PTN: variants seen among roughly 807,000 people sequenced by gnomAD.
The protein encoded by PTN is pleiotrophin.
A neutral mutation model predicts 24.1 loss-of-function variants in PTN; 18 were observed. The observed-to-expected ratio is 0.75, with a 90% confidence interval of 0.52 to 1.11. PTN has a LOEUF of 1.11. Ranked by LOEUF, PTN falls within the 50% of genes least tolerant of loss-of-function variation. PTN has a pLI of 0.00. For missense variants in PTN, 163 were observed against 198.8 expected (o/e 0.82, Z 1.08); for synonymous variants, 78 against 68.6 (o/e 1.14, Z -0.67).
intron 4 of PTN, 57 bp downstream of exon 4, chr7:137,251,173 A>G: frequency 6.4e-7 from 1 of 1,574,692 alleles, no homozygotes; most frequent in Non-Finnish European, 8.7e-7. Flanking sequence ...TGGGTTTTCC[A>G]GATCTTACCT....
chr7:137,242,729 C>T (rs1159913277), intron 4 of PTN, among the ~76,000 whole-genome samples: 1 of 152,184 alleles, frequency 6.6e-6, no homozygotes, highest in Non-Finnish European at 1.5e-5. Flanking sequence ...AGCCCCAGCC[C>T]CTGCTTTAGC....
At chr7:137,330,353 GAGA>G (rs374478883) in intron 1 of PTN, among the ~76,000 whole-genome samples, 22 of 151,974 alleles carry the variant, frequency 1.4e-4, no homozygotes, top group Non-Finnish European at 3.1e-4. Context: ...GAAGGAGAAG[GAGA>G]AGAAGAAGAA....
chr7:137,228,176 C>T (rs1424461660), intron 4 of PTN, 101 bp from the exon 5 acceptor site: 1 of 748,042 alleles, frequency 1.3e-6, no homozygotes, highest in Non-Finnish European at 2.3e-6. Context: ...ATTGACCAGA[C>T]TGATACACAA....
At chr7:137,278,998 C>T (rs1461460363) in intron 1 of PTN, among the ~76,000 whole-genome samples, 1 of 139,564 alleles carries the variant, frequency 7.2e-6, no homozygotes, top group Non-Finnish European at 1.6e-5. Context: ...AAGAAACGGA[C>T]CAATCCAGAA....
At chr7:137,293,159 A>G (rs1380018529) in intron 1 of PTN, among the ~76,000 whole-genome samples, 1 of 152,132 alleles carries the variant, frequency 6.6e-6, no homozygotes, top group African/African-American at 2.4e-5. Flanking sequence ...ATTGGTTAAC[A>G]TAAGTTGGGT....
At chr7:137,298,749 T>G (rs1456185485) in intron 1 of PTN, among the ~76,000 whole-genome samples, 3 of 151,900 alleles carry the variant, frequency 2.0e-5, no homozygotes, top group Non-Finnish European at 2.9e-5. Flanking sequence ...TCAACAGGGG[T>G]TAGGGTTTCC....
intron 4 of PTN, among the ~76,000 whole-genome samples, chr7:137,235,297 C>T (rs762903886): frequency 7.9e-5 from 12 of 152,098 alleles, no homozygotes; most frequent in Non-Finnish European, 1.6e-4. Context: ...CCTAATCCCT[C>T]GCCCCACGTC....
intron 1 of PTN, among the ~76,000 whole-genome samples, chr7:137,296,792 C>T (rs1809725013): frequency 6.6e-6 from 1 of 152,030 alleles, no homozygotes; most frequent in African/African-American, 2.4e-5. Context: ...CACAGAGGTT[C>T]CATTATTTTT....
chr7:137,342,512 T>C (rs577731107), intron 1 of PTN, among the ~76,000 whole-genome samples: 1 of 121,906 alleles, frequency 8.2e-6, no homozygotes, highest in East Asian at 2.6e-4. Flanking sequence ...GTATATAAAC[T>C]GCATGTGTGT....
At chr7:137,336,446 T>C (rs922083082) in intron 1 of PTN, among the ~76,000 whole-genome samples, 3 of 152,092 alleles carry the variant, frequency 2.0e-5, no homozygotes, top group African/African-American at 7.2e-5. Context: ...TCTCTTGGAT[T>C]GGGAGTCTTC....
intron 1 of PTN, among the ~76,000 whole-genome samples, chr7:137,290,208 T>C (rs1268153925): frequency 1.3e-5 from 2 of 152,160 alleles, no homozygotes; most frequent in African/African-American, 4.8e-5. Context: ...GGGAAAGACC[T>C]GCCCCCATGA....
chr7:137,314,014 C>T (rs1211345427), intron 1 of PTN, among the ~76,000 whole-genome samples: 1 of 152,028 alleles, frequency 6.6e-6, no homozygotes, highest in Non-Finnish European at 1.5e-5. Flanking sequence ...GATAATCTCA[C>T]CTATTTTATT....
rs568662796 is a variant in PTN, at chr7:137,307,491, C to T, written c.-2+35948G>A. ...GTTGGATGAAGAGCTGGCTTAGTCA[C>T]GCTGATTTCTATTCCAACAATTCAT... On this transcript the variant is annotated intron_variant, in intron 1 of 4. Transcript: ENST00000348225. 1.9e-4 allele frequency among the ~76,000 whole-genome samples: 29 copies of T among 152,186 alleles called. 1 individual carries two copies. The South Asian group carries it at 3.5e-3, about 19-fold the overall frequency.
At chr7:137,231,593 G>A (rs910649366) in intron 4 of PTN, among the ~76,000 whole-genome samples, 1 of 151,920 alleles carries the variant, frequency 6.6e-6, no homozygotes, top group Non-Finnish European at 1.5e-5. Context: ...TGTTGCAACT[G>A]TATATTCTGT....
chr7:137,267,245 T>C (rs1809168460), intron 1 of PTN, among the ~76,000 whole-genome samples: 1 of 152,110 alleles, frequency 6.6e-6, no homozygotes. Context: ...TCTGTCTCTC[T>C]CTCTTTTCTT....
At chr7:137,340,450 T>TG (rs1237556085) in intron 1 of PTN, among the ~76,000 whole-genome samples, 1 of 152,162 alleles carries the variant, frequency 6.6e-6, no homozygotes, top group African/African-American at 2.4e-5. Flanking sequence ...AATAGCCCAG[T>TG]GGGTGGAAAC....
chr7:137,247,769 A>T (rs549772370), intron 4 of PTN, among the ~76,000 whole-genome samples: 1 of 152,298 alleles, frequency 6.6e-6, no homozygotes, highest in African/African-American at 2.4e-5. Flanking sequence ...TGTACCACAT[A>T]AATATATACA....
At position 137,259,100 on chromosome 7, in the gene PTN, G is replaced by A. The variant is rs117249903; in HGVS notation, c.-1-4126C>T. 1.6e-4 allele frequency among the ~76,000 whole-genome samples: 25 copies of A among 152,120 alleles called. No individual in the cohort carries two copies. The East Asian group carries it at 4.4e-3, about 27-fold the overall frequency. ...TGGGTGCTGGTGTCTGGAAATAATT[G>A]TTAAGTTATCTCAATGAAATCTGAA... On this transcript the variant is annotated intron_variant, in intron 1 of 4. Transcript: ENST00000348225.
intron 1 of PTN, among the ~76,000 whole-genome samples, chr7:137,294,671 G>T (rs551245717): frequency 1.3e-5 from 2 of 152,130 alleles, no homozygotes; most frequent in East Asian, 3.9e-4. Flanking sequence ...AGTATATATT[G>T]TGTCTTGAAC....
Sources: allele counts gnomAD v4.1 joint callset (sites outside exome capture counted in the v4.1 genomes callset), GRCh38; gene constraint gnomAD v4.1.1; transcripts MANE v1.5; gene names NCBI Gene and HGNC (gene_info 2026-07-23, HGNC 2026-07-21).